Variants in WDR33 observed in about 807,000 individuals in gnomAD.
WDR33 encodes WD repeat domain 33, also known as pre-mRNA 3' end processing protein WDR33.
Under a neutral mutation model 164.9 loss-of-function variants are expected in WDR33, and 47 were observed. The observed-to-expected ratio is 0.29, with a 90% CI of 0.23 to 0.36. WDR33 has a LOEUF of 0.36. Ranked by LOEUF, WDR33 falls within the 10% of genes least tolerant of loss-of-function variation. WDR33 has a pLI of 1.00. For synonymous variants in WDR33, 505 were observed against 589.0 expected, an observed-to-expected ratio of 0.86 and a Z score of 2.06; for missense variants, 1,137 against 1,754.1, an observed-to-expected ratio of 0.65 and a Z score of 6.28.
At chr2:127,789,579 C>G (rs1230971148) in intron 1 of WDR33, among the ~76,000 whole-genome samples, 6 of 150,266 alleles carry the variant, frequency 4.0e-5, no homozygotes, top group Non-Finnish European at 6.0e-5. Context: ...CAATGGCAGG[C>G]ACTCGGCAGG....
chr2:127,756,920 T>C (rs1339017932), intron 7 of WDR33, among the ~76,000 whole-genome samples: 1 of 151,626 alleles, frequency 6.6e-6, no homozygotes, highest in African/African-American at 2.4e-5. Flanking sequence ...TACCAAAAAA[T>C]TAAAAAATTA....
In WDR33 at chr2:127,716,186, C is replaced by T. The variant is rs1686296711; in HGVS notation, c.2869+969G>A. Among the ~76,000 whole-genome samples, 1 of 152,196 alleles carries T rather than the reference C, an allele frequency of 6.6e-6. No homozygotes were observed. ...CTCTAGTTCCCTTATCTCTTTCTTA[C>T]CTCTAATATCACACATAAATTCAAG... is the stretch of plus-strand genomic sequence containing the variant. On this transcript the variant is annotated intron_variant, in intron 17 of 21. Transcript: ENST00000322313. This position sits in a 1 kb window ranked among gnomAD's most constrained non-coding sequence, Gnocchi z 4.5.
chr2:127,784,697 A>T (rs1688501050), intron 1 of WDR33, among the ~76,000 whole-genome samples: 1 of 152,136 alleles, frequency 6.6e-6, no homozygotes, highest in Non-Finnish European at 1.5e-5. Context: ...TTGTATCAAC[A>T]AGCTTTTTAT....
Position 127,717,191 on chromosome 2 carries a change from G to C in WDR33, c.2833C>G (p.Pro945Ala). 1 of 1,609,816 alleles carries C rather than the reference G, an allele frequency of 6.2e-7. No homozygotes were observed. The highest frequency in any genetic ancestry group is 1.3e-5 in the African/African-American group (1 of 74,974). The change falls in exon 17 of 22, where the codon CCT becomes GCT. Residue 945 changes from proline (P) to alanine (A), a missense_variant. Physicochemically the swap from Pro to Ala is conservative, Grantham distance 27. Coordinates refer to ENST00000322313, the MANE Select transcript of WDR33 (RefSeq NM_018383.5). The surrounding 1 kb of genome is among the most constrained non-coding windows in gnomAD (Gnocchi z 5.6). The part of the protein sequence containing the change: ...GQQGAQGRIP[P>A]LNPGQGPGPN... Reference sequence around the variant, plus strand: ...CCAGGTCCTTGTCCGGGGTTCAGAGGGGGAATGCGACCTTGTGCTCCCTGC... The same window carrying C: ...CCAGGTCCTTGTCCGGGGTTCAGAGCGGGAATGCGACCTTGTGCTCCCTGC...
rs1174539929 is a variant in WDR33 at position 127,750,650 on chromosome 2, T to TAAAAAAAA, written c.724+12404_724+12411dup. Among the ~76,000 whole-genome samples the TAAAAAAAA allele has an allele frequency of 3.3e-4, 5 of 14,962 alleles. 1 individual carries two copies. The highest frequency in any genetic ancestry group is 5.7e-4 in the Non-Finnish European group (5 of 8,766). The allele number at this position is 14,962 out of a possible 152,430, so 9.8% of individuals were successfully genotyped here. On this transcript the variant is annotated intron_variant, in intron 7 of 21. Coordinates refer to ENST00000322313, the MANE Select transcript of WDR33 (RefSeq NM_018383.5). Reference sequence around the variant, plus strand: ...GGGCAACAAGAGTGAAACTCCATCTTAAAAAAAAAAAAAAAAAAAAAAAAA... The same window carrying TAAAAAAAA: ...GGGCAACAAGAGTGAAACTCCATCTTAAAAAAAAAAAAAAAAAAAAAAAAAAAAAAAAA...
chr2:127,725,735 A>AAATAAT (rs56352036), intron 8 of WDR33, among the ~76,000 whole-genome samples: 1,498 of 141,068 alleles, frequency 0.011, 5 homozygotes, highest in Non-Finnish European at 0.014. Flanking sequence ...CTCTGTCTCA[A>AAATAAT]AATAATAATA....
chr2:127,780,207 T>C (rs1393129577), intron 1 of WDR33, among the ~76,000 whole-genome samples: 1 of 152,132 alleles, frequency 6.6e-6, no homozygotes, highest in Non-Finnish European at 1.5e-5. Flanking sequence ...TCTCCTGACC[T>C]CGTGATCCGC....
At chr2:127,787,498 C>CA (rs1688629311) in intron 1 of WDR33, among the ~76,000 whole-genome samples, 1 of 136,738 alleles carries the variant, frequency 7.3e-6, no homozygotes, top group Admixed American at 6.9e-5. Context: ...TGACCCCCCC[C>CA]ACCTCCCTCC....
At position 127,735,116 on chromosome 2, in the gene WDR33, C is replaced by G. The variant is rs186938308; in HGVS notation, c.725-8339G>C. Among the ~76,000 whole-genome samples the G allele has an allele frequency of 6.6e-6, 1 of 152,254 alleles. No individual in the cohort carries two copies. The highest frequency in any genetic ancestry group is 1.9e-4 in the East Asian group (1 of 5,186). ...TGTTCATTATTCCCTGTCCCAGAAC[C>G]GTAAAGTGTAGTGCAGTGAAGGCTA... is the stretch of plus-strand genomic sequence containing the variant. On this transcript the variant is annotated intron_variant, in intron 7 of 21. Coordinates refer to ENST00000322313, the MANE Select transcript of WDR33 (RefSeq NM_018383.5). The surrounding 1 kb of genome is among the most constrained non-coding windows in gnomAD (Gnocchi z 4.3).
Position 127,722,122 on chromosome 2 carries a change from A to C in WDR33, c.1519-134T>G. On this transcript the variant is annotated intron_variant, in intron 14 of 21. Transcript: ENST00000322313. The surrounding 1 kb of genome is among the most constrained non-coding windows in gnomAD (Gnocchi z 5.1). The stretch of plus-strand genomic sequence containing the variant: ...TTTTATTTCTTTTTACCTTTTCTCC[A>C]TGACTCAAGTACATGACTCATGCTA... The C allele has an allele frequency of 9.8e-7, 1 of 1,024,950 alleles. No homozygotes were observed. The highest frequency in any genetic ancestry group is 1.6e-5 in the South Asian group (1 of 60,652). The allele number at this position is 1,024,950 out of a possible 1,614,324, so 63.5% of individuals were successfully genotyped here.
intron 1 of WDR33, among the ~76,000 whole-genome samples, chr2:127,795,670 A>C (rs534233595): frequency 1.1e-4 from 17 of 151,702 alleles, no homozygotes; most frequent in East Asian, 3.9e-4. Flanking sequence ...AAAAAAAAAA[A>C]AAACACCAAA....
rs1213742501 is a variant in WDR33 at position 127,723,411 on chromosome 2, ACTAGG to A, written c.1197-69_1197-65del. Reference sequence around the variant, plus strand: ...ACTATTTTTTTGGGCACTAAACAGTACTAGGCAGACCCTTGGTAAACACAACACAT... The same window carrying A: ...ACTATTTTTTTGGGCACTAAACAGTACAGACCCTTGGTAAACACAACACAT... On this transcript the variant is annotated intron_variant, in intron 11 of 21. Transcript: ENST00000322313. The surrounding 1 kb of genome is among the most constrained non-coding windows in gnomAD (Gnocchi z 5.9). 7.9e-7 allele frequency: 1 copy of A among 1,267,248 alleles called. No homozygotes were observed. The highest frequency in any genetic ancestry group is 1.1e-6 in the Non-Finnish European group (1 of 879,184). The allele number at this position is 1,267,248 out of a possible 1,614,324, so 78.5% of individuals were successfully genotyped here. A position where few individuals can be genotyped will look rare whatever the true frequency, so the allele number is the denominator to read the frequency against.
intron 8 of WDR33, among the ~76,000 whole-genome samples, chr2:127,725,802 A>T (rs1269357474): frequency 2.0e-5 from 3 of 151,492 alleles, no homozygotes; most frequent in African/African-American, 7.3e-5. Context: ...GCTTCCACTG[A>T]ACAGTAAAAT....
At chr2:127,711,762 A>ATTTTTT (rs1686172326) in intron 18 of WDR33, among the ~76,000 whole-genome samples, 2 of 74,274 alleles carry the variant, frequency 2.7e-5, no homozygotes, top group African/African-American at 1.3e-4. Context: ...ATATATATAT[A>ATTTTTT]TATATATATA....
In WDR33 at chr2:127,768,311, T is replaced by A; in HGVS notation, c.274-18A>T. On this transcript the variant is annotated intron_variant, in intron 3 of 21. Transcript: ENST00000322313. ...GGGACCAGCTACAAAAAAGGAAAATTGGGTTCTTAGAGCTCCTGATTACAT... is the reference window on the plus strand; with the variant it reads ...GGGACCAGCTACAAAAAAGGAAAATAGGGTTCTTAGAGCTCCTGATTACAT... 1 of 1,496,660 alleles carries A rather than the reference T, an allele frequency of 6.7e-7. No individual in the cohort carries two copies. 92.7% of individuals were successfully genotyped at this position (1,496,660 alleles called of 1,614,324 possible).
rs141882182 is a variant in WDR33 at position 127,729,568 on chromosome 2, T to A, written c.725-2791A>T. Among the ~76,000 whole-genome samples, 333 of 152,014 alleles carry A rather than the reference T, an allele frequency of 2.2e-3. 3 individuals are homozygous for A. Among genetic ancestry groups the A allele is most frequent in the Non-Finnish European group, 3.5e-3 (241 of 67,978 alleles). Reference sequence around the variant, plus strand: ...GTGCAGTGGCGCCATCTCGGCTCACTGCAACCAACCTCCGCCTCCCGGGTT... The same window carrying A: ...GTGCAGTGGCGCCATCTCGGCTCACAGCAACCAACCTCCGCCTCCCGGGTT... On this transcript the variant is annotated intron_variant, in intron 7 of 21. Coordinates refer to ENST00000322313, the MANE Select transcript of WDR33 (RefSeq NM_018383.5).
intron 1 of WDR33, among the ~76,000 whole-genome samples, chr2:127,777,364 A>G (rs1688220695): frequency 6.6e-6 from 1 of 152,124 alleles, no homozygotes; most frequent in Non-Finnish European, 1.5e-5. Context: ...CCCCCTCTCT[A>G]TTTTTAGCAT....
At chr2:127,725,403 T>G (rs1431989823) in intron 8 of WDR33, among the ~76,000 whole-genome samples, 188 bp from the exon 9 acceptor site, 1 of 152,138 alleles carries the variant, frequency 6.6e-6, no homozygotes, top group Non-Finnish European at 1.5e-5. Context: ...AGAAATAATA[T>G]GCACTGCCCA....
chr2:127,740,174 C>T (rs1298931099), intron 7 of WDR33, among the ~76,000 whole-genome samples: 3 of 152,182 alleles, frequency 2.0e-5, no homozygotes, highest in African/African-American at 7.2e-5. Flanking sequence ...ATACCAATCA[C>T]TTCCTTTTTA....
Sources: allele counts gnomAD v4.1 joint callset (sites outside exome capture counted in the v4.1 genomes callset), GRCh38; gene constraint gnomAD v4.1.1; non-coding constraint Gnocchi (gnomAD v3.1); transcripts MANE v1.5; gene names NCBI Gene and HGNC (gene_info 2026-07-23, HGNC 2026-07-21).